ATRNL1: variants seen among roughly 807,000 people sequenced by gnomAD.
ATRNL1 encodes attractin-like protein 1.
ATRNL1 carries 95 observed loss-of-function variants against 182.7 expected under a neutral mutation model. The observed-to-expected ratio is 0.52, with a 90% CI of 0.44 to 0.62. The LOEUF (loss-of-function observed/expected upper bound fraction) is 0.62. Among genes scored for constraint, ATRNL1 ranks in the 20% least tolerant of loss-of-function variants. ATRNL1 has a pLI of 0.00. For synonymous variants in ATRNL1, 576 were observed against 568.3 expected, an observed-to-expected ratio of 1.01 and a Z score of -0.19; for missense variants, 1,471 against 1,679.5, an observed-to-expected ratio of 0.88 and a Z score of 2.17.
At chr10:115,885,261 T>C (rs1333138307) in intron 28 of ATRNL1, among the ~76,000 whole-genome samples, 2 of 152,210 alleles carry the variant, frequency 1.3e-5, no homozygotes, top group East Asian at 1.9e-4. Flanking sequence ...AGGGAGATTG[T>C]ATAGCATGTC....
intron 8 of ATRNL1, among the ~76,000 whole-genome samples, chr10:115,192,152 C>T (rs989188647): frequency 6.6e-6 from 1 of 151,866 alleles, no homozygotes; most frequent in Non-Finnish European, 1.5e-5. Context: ...TTTTGAGGTC[C>T]TACTCAAGAA....
intron 20 of ATRNL1, among the ~76,000 whole-genome samples, chr10:115,416,428 C>G (rs911905341): frequency 6.6e-6 from 1 of 151,982 alleles, no homozygotes; most frequent in Non-Finnish European, 1.5e-5. Flanking sequence ...TTAATATAAA[C>G]CACTTTAGAT....
At chr10:115,733,611 A>G (rs1364487162) in intron 27 of ATRNL1, among the ~76,000 whole-genome samples, 9 of 152,164 alleles carry the variant, frequency 5.9e-5, no homozygotes, top group Admixed American at 5.9e-4. Flanking sequence ...CCTGGACCAC[A>G]TTAAGCCCAG....
At chr10:115,717,619 T>TCAGCACA (rs1163241160) in intron 26 of ATRNL1, among the ~76,000 whole-genome samples, 1 of 139,358 alleles carries the variant, frequency 7.2e-6, no homozygotes, top group Non-Finnish European at 1.5e-5. Context: ...TGGTGCAATC[T>TCAGCACA]CAGCACACTG....
intron 19 of ATRNL1, among the ~76,000 whole-genome samples, chr10:115,340,957 T>C (rs1855725551): frequency 6.6e-6 from 1 of 151,990 alleles, no homozygotes; most frequent in Non-Finnish European, 1.5e-5. Flanking sequence ...TTCTATTTTG[T>C]TTAACCTTTC....
In ATRNL1 at chr10:115,142,153, T is replaced by A. The variant is rs575302799; in HGVS notation, c.829+12618T>A. On this transcript the variant is annotated intron_variant, in intron 5 of 28. Transcript: ENST00000355044. ...AGAAGGTGATAAGTACAATGGAAAA[T>A]TAAAGTAGAACAGAGAAAGAGGAAT... Among the ~76,000 whole-genome samples the A allele has an allele frequency of 2.6e-5, 4 of 152,104 alleles. No homozygotes were observed. In the South Asian group the frequency reaches 8.3e-4, roughly 32 times the overall value.
At chr10:115,415,076 T>C (rs925227450) in intron 20 of ATRNL1, among the ~76,000 whole-genome samples, 2 of 152,024 alleles carry the variant, frequency 1.3e-5, no homozygotes, top group Non-Finnish European at 2.9e-5. Flanking sequence ...GATTGTTGGG[T>C]CGAAGAATAC....
At chr10:115,347,924 T>A (rs1057337880) in intron 19 of ATRNL1, among the ~76,000 whole-genome samples, 1 of 152,116 alleles carries the variant, frequency 6.6e-6, no homozygotes. Flanking sequence ...ACCACTTGAG[T>A]CTACATGCTG....
rs1554982023 is a variant in ATRNL1 at position 115,509,206 on chromosome 10, A to G, written c.3655-10057A>G. Among the ~76,000 whole-genome samples, 6 of 152,068 alleles carry G rather than the reference A, an allele frequency of 3.9e-5. No individual in the cohort carries two copies. In the South Asian group the frequency reaches 1.2e-3, roughly 31 times the overall value. On this transcript the variant is annotated intron_variant, in intron 24 of 28. Transcript: ENST00000355044. ...GTTGAGGCCTACTGCTTAGAAAAAA[A>G]AGACTTCTTTCAAAATAGTACAGCT...
At chr10:115,899,634 G>T (rs782386814) in intron 28 of ATRNL1, among the ~76,000 whole-genome samples, 1 of 152,054 alleles carries the variant, frequency 6.6e-6, no homozygotes, top group Non-Finnish European at 1.5e-5. Flanking sequence ...TAAGTAAAAT[G>T]TTGCATATTA....
At chr10:115,202,469 T>C (rs1848623066) in intron 8 of ATRNL1, among the ~76,000 whole-genome samples, 1 of 152,204 alleles carries the variant, frequency 6.6e-6, no homozygotes, top group African/African-American at 2.4e-5. Flanking sequence ...CAAAGGCCTT[T>C]TCTGCATCTA....
intron 26 of ATRNL1, among the ~76,000 whole-genome samples, chr10:115,699,006 A>C (rs781963647): frequency 1.7e-4 from 26 of 152,288 alleles, no homozygotes; most frequent in Non-Finnish European, 3.5e-4. Flanking sequence ...CTATATTAGC[A>C]ACAAAAATGG....
At chr10:115,408,205 T>A (rs916760156) in intron 20 of ATRNL1, among the ~76,000 whole-genome samples, 1 of 151,260 alleles carries the variant, frequency 6.6e-6, no homozygotes, top group Non-Finnish European at 1.5e-5. Context: ...GGGTTTCACC[T>A]TGTTAGCCAG....
At chr10:115,816,295 G>T (rs188656459) in intron 27 of ATRNL1, among the ~76,000 whole-genome samples, 3 of 152,206 alleles carry the variant, frequency 2.0e-5, no homozygotes, top group Admixed American at 1.3e-4. Flanking sequence ...TCTTTTGGCT[G>T]TTACTCCACG....
At chr10:115,754,057 A>G (rs1948520065) in intron 27 of ATRNL1, among the ~76,000 whole-genome samples, 1 of 152,172 alleles carries the variant, frequency 6.6e-6, no homozygotes, top group South Asian at 2.1e-4. Flanking sequence ...AGTTCTTTGT[A>G]GATTCTGGAT....
At chr10:115,288,031 A>G (rs1352405002) in intron 15 of ATRNL1, among the ~76,000 whole-genome samples, 3 of 148,402 alleles carry the variant, frequency 2.0e-5, no homozygotes, top group African/African-American at 7.5e-5. Context: ...CTCCACTTCC[A>G]TCCATGTTGC....
intron 28 of ATRNL1, among the ~76,000 whole-genome samples, chr10:115,883,069 C>A (rs1219323030): frequency 6.6e-6 from 1 of 152,172 alleles, no homozygotes; most frequent in East Asian, 1.9e-4. Context: ...TCTTGATAAT[C>A]CCAAACTCCT....
At chr10:115,806,438 G>A (rs1565395719) in intron 27 of ATRNL1, among the ~76,000 whole-genome samples, 1 of 151,990 alleles carries the variant, frequency 6.6e-6, no homozygotes, top group Non-Finnish European at 1.5e-5. Context: ...ATTTCCTGTA[G>A]GAAATTAATA....
At chr10:115,492,017 TCCCAGGTAAGGCGATG>T (rs1554976667) in intron 24 of ATRNL1, among the ~76,000 whole-genome samples, 2 of 152,166 alleles carry the variant, frequency 1.3e-5, no homozygotes, top group African/African-American at 2.4e-5. Context: ...CCTCTTGGCT[TCCCAGGTAAGGCGATG>T]CCCTATCCTG....
Sources: gnomAD v4.1 joint callset for allele counts (sites outside exome capture counted in the v4.1 genomes callset) on GRCh38, gnomAD v4.1.1 for gene constraint, MANE v1.5 for transcripts, NCBI Gene and HGNC (gene_info 2026-07-23, HGNC 2026-07-21) for gene names.